Variants in DCDC1 observed in about 807,000 individuals in gnomAD.
The protein encoded by DCDC1 is doublecortin domain containing 1.
DCDC1 carries 200 observed loss-of-function variants against 178.3 expected under a neutral mutation model. The ratio of observed to expected loss-of-function variants is 1.12; its 90% CI spans 1.00 to 1.26. The LOEUF (loss-of-function observed/expected upper bound fraction) is 1.26, where lower values mean the gene tolerates loss of function less well. Among genes scored for constraint, DCDC1 ranks in the 50% most tolerant of loss-of-function variants. The pLI is 0.00. For synonymous variants in DCDC1, 690 were observed against 604.8 expected (o/e 1.14, Z -2.07); for missense variants, 1,983 against 1,749.2 (o/e 1.13, Z -2.38).
chr11:31,231,648 A>G (rs972288385), intron 9 of DCDC1, among the ~76,000 whole-genome samples: 1 of 152,112 alleles, frequency 6.6e-6, no homozygotes, highest in Non-Finnish European at 1.5e-5. Context: ...AACAACCCCA[A>G]TTGTTACTTA....
intron 3 of DCDC1, among the ~76,000 whole-genome samples, chr11:31,317,721 C>A (rs1260355625): frequency 4.5e-5 from 2 of 44,518 alleles, no homozygotes; most frequent in African/African-American, 2.7e-4. Context: ...GAGAGGGCAT[C>A]TCTGTCTTGT....
At chr11:31,172,204 A>G (rs2136227303) in intron 9 of DCDC1, among the ~76,000 whole-genome samples, 1 of 152,192 alleles carries the variant, frequency 6.6e-6, no homozygotes, top group South Asian at 2.1e-4. Flanking sequence ...TAAACTTCAG[A>G]TCCAAGATGA....
At chr11:31,330,653 G>A (rs530538477) in intron 2 of DCDC1, among the ~76,000 whole-genome samples, 4 of 152,280 alleles carry the variant, frequency 2.6e-5, no homozygotes, top group African/African-American at 4.8e-5. Flanking sequence ...ATTAAATAGC[G>A]AATTCTTTCC....
At chr11:31,202,260 C>T (rs1308082020) in intron 9 of DCDC1, among the ~76,000 whole-genome samples, 3 of 152,172 alleles carry the variant, frequency 2.0e-5, no homozygotes, top group Non-Finnish European at 4.4e-5. Context: ...AATGACTGAA[C>T]TTTAAAGCTA....
intron 38 of DCDC1, among the ~76,000 whole-genome samples, chr11:30,866,799 G>A (rs975409161): frequency 2.0e-5 from 3 of 152,082 alleles, no homozygotes; most frequent in Admixed American, 6.5e-5. Flanking sequence ...GTCATGTTCT[G>A]TAAACTGACT....
At chr11:31,037,950 T>C (rs1055835291) in intron 20 of DCDC1, among the ~76,000 whole-genome samples, 5 of 151,892 alleles carry the variant, frequency 3.3e-5, no homozygotes, top group African/African-American at 7.3e-5. Context: ...TTAAGTCTTA[T>C]TGTTCAATTC....
At chr11:31,182,558 T>A (rs1021716478) in intron 9 of DCDC1, among the ~76,000 whole-genome samples, 1 of 152,128 alleles carries the variant, frequency 6.6e-6, no homozygotes, top group Non-Finnish European at 1.5e-5. Context: ...AGGCCTGCCT[T>A]ACAAGAGCTC....
chr11:31,100,490 A>C (rs1045241715), intron 15 of DCDC1, among the ~76,000 whole-genome samples: 2 of 152,228 alleles, frequency 1.3e-5, no homozygotes, highest in African/African-American at 2.4e-5. Context: ...TACAAAATAA[A>C]GATTAATTCT....
At chr11:31,198,563 T>G (rs1970953139) in intron 9 of DCDC1, among the ~76,000 whole-genome samples, 1 of 152,076 alleles carries the variant, frequency 6.6e-6, no homozygotes, top group South Asian at 2.1e-4. Flanking sequence ...AAAATGCCAC[T>G]ACTTGCTAGC....
intron 23 of DCDC1, among the ~76,000 whole-genome samples, chr11:30,923,633 A>G (rs1946406332): frequency 6.7e-6 from 1 of 150,264 alleles, no homozygotes; most frequent in African/African-American, 2.4e-5. Context: ...TATTATTATT[A>G]TTTGAGATGG....
chr11:31,306,717 A>C (rs1474020983), intron 4 of DCDC1, among the ~76,000 whole-genome samples: 1 of 151,894 alleles, frequency 6.6e-6, no homozygotes, highest in Non-Finnish European at 1.5e-5. Flanking sequence ...ACTAAAAATT[A>C]TATATATGAG....
At chr11:30,939,118 A>C (rs1947471315) in intron 21 of DCDC1, among the ~76,000 whole-genome samples, 1 of 152,198 alleles carries the variant, frequency 6.6e-6, no homozygotes, top group Non-Finnish European at 1.5e-5. Context: ...CTACCAAGGC[A>C]GTACTTATAG....
chr11:31,047,277 T>G (rs1450555609), intron 20 of DCDC1, among the ~76,000 whole-genome samples: 1 of 152,206 alleles, frequency 6.6e-6, no homozygotes, highest in African/African-American at 2.4e-5. Context: ...ATATTTAATG[T>G]AAGGAAAACA....
At chr11:31,269,324 A>T (rs1480014082) in intron 7 of DCDC1, among the ~76,000 whole-genome samples, 1 of 152,122 alleles carries the variant, frequency 6.6e-6, no homozygotes, top group Non-Finnish European at 1.5e-5. Flanking sequence ...CATTTCCACT[A>T]ATCTGTACCT....
At chr11:31,343,792 T>C (rs2133237597) in intron 1 of DCDC1, among the ~76,000 whole-genome samples, 1 of 152,160 alleles carries the variant, frequency 6.6e-6, no homozygotes, top group East Asian at 1.9e-4. Context: ...TGGTGGCAGA[T>C]GCCGGTAATC....
At chr11:31,009,790 G>A (rs1298898353) in intron 20 of DCDC1, among the ~76,000 whole-genome samples, 2 of 152,150 alleles carry the variant, frequency 1.3e-5, no homozygotes, top group African/African-American at 4.8e-5. Flanking sequence ...AATTTATAAA[G>A]GGAAGAGGTT....
intron 20 of DCDC1, among the ~76,000 whole-genome samples, chr11:31,004,866 TAA>T (rs533939104): frequency 7.9e-5 from 12 of 152,168 alleles, no homozygotes; most frequent in African/African-American, 2.7e-4. Context: ...CTCTGTGATT[TAA>T]AATAGATAAA....
At chr11:31,127,233 C>A (rs953833809) in intron 11 of DCDC1, among the ~76,000 whole-genome samples, 3 of 152,146 alleles carry the variant, frequency 2.0e-5, no homozygotes, top group Non-Finnish European at 4.4e-5. Flanking sequence ...ATTACAATTA[C>A]TTTTCTGAAT....
intron 7 of DCDC1, among the ~76,000 whole-genome samples, chr11:31,280,142 T>C (rs551821091): frequency 9.9e-5 from 15 of 152,280 alleles, no homozygotes; most frequent in African/African-American, 3.6e-4. Flanking sequence ...GGAACCATTT[T>C]AAATACAGGG....
Sources: allele counts gnomAD v4.1 joint callset (sites outside exome capture counted in the v4.1 genomes callset), GRCh38; gene constraint gnomAD v4.1.1; transcripts MANE v1.5; gene names NCBI Gene and HGNC (gene_info 2026-07-23, HGNC 2026-07-21).